The following SNTG1 variants were observed in gnomAD, a reference collection of about 807,000 sequenced individuals.
The protein encoded by SNTG1 is gamma-1-syntrophin.
SNTG1 carries 39 observed loss-of-function variants against 74.7 expected under a neutral mutation model. The observed-to-expected ratio is 0.52, with a 90% CI of 0.40 to 0.68. The LOEUF is 0.68. Ranked by LOEUF, SNTG1 falls within the 30% of genes least tolerant of loss-of-function variation. The probability of loss-of-function intolerance (pLI) is 0.00; values close to 1 mark genes in which losing one functional copy is unlikely to be tolerated. For missense variants in SNTG1, 685 were observed against 609.5 expected, an observed-to-expected ratio of 1.12 and a Z score of -1.30; for synonymous variants, 254 against 217.1, an observed-to-expected ratio of 1.17 and a Z score of -1.49.
At chr8:49,933,886 C>T (rs977694967) in intron 1 of SNTG1, among the ~76,000 whole-genome samples, 1 of 152,044 alleles carries the variant, frequency 6.6e-6, no homozygotes, top group Non-Finnish European at 1.5e-5. Flanking sequence ...GCAGGGATAT[C>T]GCTACATATT....
chr8:50,287,942 T>C (rs6989084), intron 2 of SNTG1, among the ~76,000 whole-genome samples: 71,463 of 152,106 alleles, frequency 0.47, 19,357 homozygotes, highest in East Asian at 0.83. Context: ...TCCAGGCTCA[T>C]TGCAAACGTC....
chr8:49,989,444 A>G (rs1344181211), intron 1 of SNTG1, among the ~76,000 whole-genome samples: 1 of 152,006 alleles, frequency 6.6e-6, no homozygotes, highest in East Asian at 1.9e-4. Flanking sequence ...AACAGATTGA[A>G]TTATTATTTT....
chr8:50,254,622 A>G (rs1901050), intron 2 of SNTG1, among the ~76,000 whole-genome samples: 85,934 of 152,010 alleles, frequency 0.57, 27,994 homozygotes, highest in East Asian at 0.83. Context: ...GAGGCCAGTG[A>G]ATTACTTGAG....
intron 8 of SNTG1, among the ~76,000 whole-genome samples, chr8:50,473,156 G>A (rs913697754): frequency 2.6e-5 from 4 of 152,140 alleles, no homozygotes; most frequent in African/African-American, 9.7e-5. Flanking sequence ...AATTATGGGG[G>A]TGGTTTTCCC....
intron 1 of SNTG1, among the ~76,000 whole-genome samples, chr8:50,160,526 T>C (rs2082383000): frequency 6.6e-6 from 1 of 152,142 alleles, no homozygotes; most frequent in Non-Finnish European, 1.5e-5. Context: ...TGTGCTTTCA[T>C]TTTATATCAC....
At position 50,402,351 on chromosome 8, in the gene SNTG1, A is replaced by G; in HGVS notation, c.162+7A>G. The G allele has an allele frequency of 6.4e-7, 1 of 1,572,690 alleles. No individual in the cohort carries two copies. Among genetic ancestry groups the G allele is most frequent in the East Asian group, 2.3e-5 (1 of 44,366 alleles). ...TGAGCCTTTCTATTCTGGTGTAAGT[A>G]GCTTTTTCTTCTGTTGAAATTTTTT... On this transcript the variant is annotated splice_region_variant and intron_variant, in intron 4 of 18. Coordinates refer to ENST00000642720, the MANE Select transcript of SNTG1 (RefSeq NM_018967.5).
intron 12 of SNTG1, among the ~76,000 whole-genome samples, chr8:50,578,494 G>A (rs1458200489): frequency 6.6e-6 from 1 of 152,082 alleles, no homozygotes; most frequent in Non-Finnish European, 1.5e-5. Context: ...AATAAAACAG[G>A]GATGAACTGA....
chr8:49,947,422 C>T lies in SNTG1; in HGVS notation c.-103+35191C>T, dbSNP rs559110883. Among the ~76,000 whole-genome samples the T allele has an allele frequency of 6.1e-4, 93 of 152,278 alleles. No homozygotes were observed. In the Middle Eastern group the frequency reaches 0.027, roughly 45 times the overall value. On this transcript the variant is annotated intron_variant, in intron 1 of 18. Coordinates refer to ENST00000642720, the MANE Select transcript of SNTG1 (RefSeq NM_018967.5). ...CCATAAAGAGCTGTCCTGGTGAATA[C>T]ATTCTTTTTGTTGTCACCACTATCT...
intron 14 of SNTG1, among the ~76,000 whole-genome samples, chr8:50,658,231 G>T (rs772748357): frequency 1.3e-5 from 2 of 148,954 alleles, no homozygotes; most frequent in Admixed American, 1.4e-4. Context: ...TTGAGGTCTG[G>T]TATTCTCTGT....
intron 2 of SNTG1, among the ~76,000 whole-genome samples, chr8:50,247,259 C>T (rs80159039): frequency 6.6e-6 from 1 of 152,090 alleles, no homozygotes. Context: ...CTGCTTATTT[C>T]TTTGGGGCAT....
At chr8:50,101,610 A>T (rs988661178) in intron 1 of SNTG1, among the ~76,000 whole-genome samples, 3 of 152,018 alleles carry the variant, frequency 2.0e-5, no homozygotes, top group Non-Finnish European at 4.4e-5. Context: ...CACAATGTGC[A>T]GGTTAGTTAC....
chr8:50,369,600 A>C (rs2092216999), intron 2 of SNTG1, among the ~76,000 whole-genome samples: 1 of 140,148 alleles, frequency 7.1e-6, no homozygotes, highest in African/African-American at 2.7e-5. Flanking sequence ...CCGTCCCAAA[A>C]AGAAAAAAAA....
intron 1 of SNTG1, among the ~76,000 whole-genome samples, chr8:49,939,070 G>A (rs887122048): frequency 6.6e-6 from 1 of 152,138 alleles, no homozygotes; most frequent in South Asian, 2.1e-4. Context: ...TGAGTGTGCC[G>A]ATTCAAAATG....
At chr8:50,199,775 C>G (rs1049683532) in intron 2 of SNTG1, among the ~76,000 whole-genome samples, 2 of 152,146 alleles carry the variant, frequency 1.3e-5, no homozygotes, top group African/African-American at 4.8e-5. Context: ...TTCCAATCTT[C>G]CAGTGGGCCT....
At chr8:50,361,888 T>C (rs2091968976) in intron 2 of SNTG1, among the ~76,000 whole-genome samples, 1 of 152,098 alleles carries the variant, frequency 6.6e-6, no homozygotes, top group Admixed American at 6.6e-5. Flanking sequence ...TATTTCAGCA[T>C]AGAAAAATAC....
intron 4 of SNTG1, among the ~76,000 whole-genome samples, chr8:50,427,654 C>G (rs962467947): frequency 6.6e-6 from 1 of 152,136 alleles, no homozygotes; most frequent in Non-Finnish European, 1.5e-5. Flanking sequence ...CTCAAAGGCT[C>G]AACCTCATGC....
Position 49,978,275 on chromosome 8 carries a change from C to G in SNTG1, c.-103+66044C>G, listed in dbSNP as rs117023523. On this transcript the variant is annotated intron_variant, in intron 1 of 18. Transcript: ENST00000642720. The stretch of plus-strand genomic sequence containing the variant: ...AGAGAGAGAGAGAGACAGAAGGAGA[C>G]AGAAGAAAGGGGGAAGAGGAGAGGA... Among the ~76,000 whole-genome samples, 726 of 149,880 alleles carry G rather than the reference C, an allele frequency of 4.8e-3. 3 individuals are homozygous for G. Among genetic ancestry groups the G allele is most frequent in the Non-Finnish European group, 6.8e-3 (459 of 67,500 alleles).
At chr8:50,148,362 G>T (rs1007138530) in intron 1 of SNTG1, among the ~76,000 whole-genome samples, 44 of 152,188 alleles carry the variant, frequency 2.9e-4, no homozygotes, top group African/African-American at 1.1e-3. Flanking sequence ...CACTTTCAAA[G>T]AATAAAGTAC....
chr8:50,303,940 G>A (rs1417069773), intron 2 of SNTG1, among the ~76,000 whole-genome samples: 2 of 103,374 alleles, frequency 1.9e-5, no homozygotes, highest in African/African-American at 5.1e-5. Context: ...ACGTACAGTA[G>A]AATGCTGCAA....
Sources: gnomAD v4.1 joint callset for allele counts (sites outside exome capture counted in the v4.1 genomes callset) on GRCh38, gnomAD v4.1.1 for gene constraint, MANE v1.5 for transcripts, NCBI Gene and HGNC (gene_info 2026-07-23, HGNC 2026-07-21) for gene names.